ERCC8: variants seen among roughly 807,000 people sequenced by gnomAD.
The protein encoded by ERCC8 is DNA excision repair protein ERCC-8.
Under a neutral mutation model 54.9 loss-of-function variants are expected in ERCC8, and 52 were observed. That is an observed-to-expected ratio of 0.95 (90% CI 0.76 to 1.19). The LOEUF (loss-of-function observed/expected upper bound fraction) is 1.19. Among genes scored for constraint, ERCC8 ranks in the 50% most tolerant of loss-of-function variants. The pLI is 0.00. For missense variants in ERCC8, 514 were observed against 466.1 expected (o/e 1.10, Z -0.95); for synonymous variants, 146 against 157.2 (o/e 0.93, Z 0.53).
rs555292201 is a variant in ERCC8, at chr5:60,941,282, T to TAA, written c.77+3649_77+3650insTT. On this transcript the variant is annotated intron_variant, in intron 1 of 11. Coordinates refer to ENST00000676185, the MANE Select transcript of ERCC8 (RefSeq NM_000082.4). ...GAAATTTTAGTTTTCAATATAAAATTATTTTAACTTAATGTATTCACTAAC... is the reference window on the plus strand; with the variant it reads ...GAAATTTTAGTTTTCAATATAAAATTAAATTTTAACTTAATGTATTCACTAAC... 5.0e-3 allele frequency among the ~76,000 whole-genome samples: 767 copies of TAA among 152,328 alleles called. 7 individuals are homozygous for TAA. The highest frequency in any genetic ancestry group is 0.021 in the South Asian group (100 of 4,828).
At chr5:60,899,509 T>C in intron 8 of ERCC8, 118 bp downstream of exon 8, 1 of 733,162 alleles carries the variant, frequency 1.4e-6, no homozygotes, top group South Asian at 1.5e-5. Flanking sequence ...TGAATGCCTT[T>C]TGAAAAATCA....
chr5:60,944,869 A>C, intron 1 of ERCC8, 63 bp downstream of exon 1: 2 of 1,201,996 alleles, frequency 1.7e-6, no homozygotes, highest in South Asian at 2.4e-5. Context: ...TGTGGGGCAA[A>C]GCTTACAGTC....
chr5:60,909,244 A>G (rs1181838363), intron 4 of ERCC8, among the ~76,000 whole-genome samples: 18 of 16,382 alleles, frequency 1.1e-3, no homozygotes, highest in South Asian at 5.2e-3. Context: ...CCCTATTCTG[A>G]AAAAAAAAAA....
intron 11 of ERCC8, among the ~76,000 whole-genome samples, chr5:60,880,629 T>G (rs1445653139): frequency 6.6e-6 from 1 of 152,256 alleles, no homozygotes; most frequent in Non-Finnish European, 1.5e-5. Context: ...CTTCCATCAC[T>G]GATACCCTTT....
At chr5:60,918,500 G>A (rs1749507302) in intron 3 of ERCC8, 112 bp from the exon 4 acceptor site, 1 of 859,306 alleles carries the variant, frequency 1.2e-6, no homozygotes, top group Non-Finnish European at 1.9e-6. Flanking sequence ...TGGCCAAACC[G>A]AGATCACATG....
intron 11 of ERCC8, among the ~76,000 whole-genome samples, chr5:60,874,942 A>G (rs1579978393): frequency 2.6e-5 from 4 of 152,292 alleles, no homozygotes; most frequent in Admixed American, 2.6e-4. Context: ...AAATACATAC[A>G]TACACACATA....
At position 60,890,527 on chromosome 5, in the gene ERCC8, A is replaced by G. The variant is rs370951941; in HGVS notation, c.1041+362T>C. On this transcript the variant is annotated intron_variant, in intron 10 of 11. Transcript: ENST00000676185. ...GGAAGAATAGATCATCCACACATAC[A>G]TAAACCAACATATACAAATTATATT... is the stretch of plus-strand genomic sequence containing the variant. Among the ~76,000 whole-genome samples the G allele has an allele frequency of 3.6e-3, 548 of 152,378 alleles. 3 individuals are homozygous for G. The highest frequency in any genetic ancestry group is 6.4e-3 in the Non-Finnish European group (432 of 68,030).
At position 60,873,680 on chromosome 5, in the gene ERCC8, A is replaced by AC. The variant is rs1288486653; in HGVS notation, c.*934_*935insG. On this transcript the variant is annotated 3_prime_UTR_variant, in exon 12 of 12. Coordinates refer to ENST00000676185, the MANE Select transcript of ERCC8 (RefSeq NM_000082.4). ...CGACAGAGTGAAACTCCATCTCAGG[A>AC]AAAAAACAAAAAAACAAAAAACCCT... Among the ~76,000 whole-genome samples the AC allele has an allele frequency of 5.3e-5, 8 of 152,072 alleles. No homozygotes were observed. The highest frequency in any genetic ancestry group is 1.2e-4 in the Non-Finnish European group (8 of 68,020).
chr5:60,874,593 A>C lies in ERCC8; in HGVS notation c.*22T>G, dbSNP rs1347088771. The C allele has an allele frequency of 1.2e-6, 2 of 1,609,400 alleles. No individual in the cohort carries two copies. Among genetic ancestry groups the C allele is most frequent in the African/African-American group, 2.7e-5 (2 of 74,836 alleles). On this transcript the variant is annotated 3_prime_UTR_variant, in exon 12 of 12. Transcript: ENST00000676185. ...TCATTTAAAAAGTTTCAGCAGAGAC[A>C]AAAAGGTACTAAAGATGATATTCAT...
intron 1 of ERCC8, among the ~76,000 whole-genome samples, chr5:60,938,850 C>G (rs1451890376): frequency 6.6e-6 from 1 of 152,084 alleles, no homozygotes; most frequent in Non-Finnish European, 1.5e-5. Flanking sequence ...TGCTTTTAAC[C>G]TTAAATCTTA....
rs1189329362 is a variant in ERCC8, at chr5:60,871,233, A to T, written c.*3382T>A. On this transcript the variant is annotated 3_prime_UTR_variant, in exon 12 of 12. Transcript: ENST00000676185. ...AACATGTAGCCTTGAACAGGGGACCAGCTGAAAACAACTGGGGGACATTCA... is the reference window on the plus strand; with the variant it reads ...AACATGTAGCCTTGAACAGGGGACCTGCTGAAAACAACTGGGGGACATTCA... Among the ~76,000 whole-genome samples, 1 of 152,254 alleles carries T rather than the reference A, an allele frequency of 6.6e-6. No individual in the cohort carries two copies. The highest frequency in any genetic ancestry group is 1.5e-5 in the Non-Finnish European group (1 of 68,044).
intron 3 of ERCC8, chr5:60,918,702 T>TCCA: frequency 2.8e-6 from 1 of 354,616 alleles, no homozygotes; most frequent in South Asian, 2.6e-5. Flanking sequence ...AAGAGTGATT[T>TCCA]GGTCTTACTG....
chr5:60,938,377 C>T (rs111837193), intron 1 of ERCC8, among the ~76,000 whole-genome samples: 3,262 of 110,408 alleles, frequency 0.03, 54 homozygotes, highest in Middle Eastern at 0.08. Flanking sequence ...TTTTTTGAGA[C>T]GGAGTCTCGC....
chr5:60,874,702 A>T lies in ERCC8; in HGVS notation c.1123-19T>A. 1 of 1,582,124 alleles carries T rather than the reference A, an allele frequency of 6.3e-7. No homozygotes were observed. Among genetic ancestry groups the T allele is most frequent in the Non-Finnish European group, 8.6e-7 (1 of 1,162,924 alleles). On this transcript the variant is annotated intron_variant, in intron 11 of 11. Coordinates refer to ENST00000676185, the MANE Select transcript of ERCC8 (RefSeq NM_000082.4). ...TTGTAGTCTAAAAAAAAAAAAGATA[A>T]AGAAAAAGGAAGATTCTGTTTTTTC...
chr5:60,905,715 A>G (rs1749051280), intron 4 of ERCC8, among the ~76,000 whole-genome samples: 1 of 152,268 alleles, frequency 6.6e-6, no homozygotes, highest in South Asian at 2.1e-4. Context: ...CTGCACAAAC[A>G]AAATCAATTC....
intron 2 of ERCC8, 44 bp from the exon 3 acceptor site, chr5:60,922,199 AT>A (rs752624814): frequency 1.6e-6 from 2 of 1,261,160 alleles, no homozygotes; most frequent in South Asian, 2.5e-5. Context: ...TTTATTTATT[AT>A]TTAGTCCATT....
chr5:60,928,970 A>G lies in ERCC8; in HGVS notation c.78-11T>C. 7.0e-7 allele frequency: 1 copy of G among 1,419,198 alleles called. No individual in the cohort carries two copies. The highest frequency in any genetic ancestry group is 9.9e-7 in the Non-Finnish European group (1 of 1,005,992). The allele number at this position is 1,419,198 out of a possible 1,614,324, so 87.9% of individuals were successfully genotyped here. ...TCCAGTCCCAAAACTCTTAAAAATA[A>G]AAGGGGGAGAAAGAAATTAACAAGT... On this transcript the variant is annotated splice_polypyrimidine_tract_variant and intron_variant, in intron 1 of 11. Coordinates refer to ENST00000676185, the MANE Select transcript of ERCC8 (RefSeq NM_000082.4).
intron 9 of ERCC8, among the ~76,000 whole-genome samples, chr5:60,894,603 G>GA (rs111263480): frequency 0.047 from 7,159 of 152,114 alleles, 571 homozygotes; most frequent in African/African-American, 0.16. Context: ...TCAGCAGTGT[G>GA]AGCATCACCT....
Position 60,870,601 on chromosome 5 carries a change from G to T in ERCC8, c.*4014C>A, listed in dbSNP as rs1168116134. On this transcript the variant is annotated 3_prime_UTR_variant, in exon 12 of 12. Coordinates refer to ENST00000676185, the MANE Select transcript of ERCC8 (RefSeq NM_000082.4). ...TGCTTGAACCTGGGAAGCGGAGGTT[G>T]CAGTGAGCTGAGATGGCGCCACTGC... is the stretch of plus-strand genomic sequence containing the variant. 6.6e-6 allele frequency among the ~76,000 whole-genome samples: 1 copy of T among 151,254 alleles called. No homozygotes were observed. Among genetic ancestry groups the T allele is most frequent in the East Asian group, 1.9e-4 (1 of 5,178 alleles).
Sources: gnomAD v4.1 joint callset for allele counts (sites outside exome capture counted in the v4.1 genomes callset) on GRCh38, gnomAD v4.1.1 for gene constraint, MANE v1.5 for transcripts, NCBI Gene and HGNC (gene_info 2026-07-23, HGNC 2026-07-21) for gene names.